Variants in FAM174A observed in about 807,000 individuals in gnomAD.
FAM174A encodes the protein membrane protein FAM174A.
In FAM174A, 14 loss-of-function variants were observed where a neutral mutation model predicts 14.3. That is an observed-to-expected ratio of 0.98 (90% CI 0.65 to 1.53). FAM174A has a LOEUF of 1.53. Among genes scored for constraint, FAM174A ranks in the 40% most tolerant of loss-of-function variants. FAM174A has a pLI of 0.00. For missense variants in FAM174A, 241 were observed against 249.6 expected (o/e 0.97, Z 0.23); for synonymous variants, 108 against 111.4 (o/e 0.97, Z 0.19).
chr5:100,580,958 G>T (rs540771546), intron 2 of FAM174A, among the ~76,000 whole-genome samples: 214 of 152,094 alleles, frequency 1.4e-3, no homozygotes, highest in Non-Finnish European at 2.4e-3. Context: ...GATAGATTTT[G>T]GCTCTCGTTG....
At chr5:100,558,971 C>T (rs755281864) in intron 1 of FAM174A, among the ~76,000 whole-genome samples, 10 of 152,086 alleles carry the variant, frequency 6.6e-5, no homozygotes, top group African/African-American at 1.7e-4. Context: ...TGAATTTGAT[C>T]CTGTCATTAT....
chr5:100,547,515 A>G (rs906987244), intron 1 of FAM174A, among the ~76,000 whole-genome samples: 3 of 152,130 alleles, frequency 2.0e-5, no homozygotes, highest in African/African-American at 7.2e-5. Context: ...CTGCAAGGAG[A>G]TGGGAAAACT....
chr5:100,568,384 A>C (rs1447581755), intron 2 of FAM174A, among the ~76,000 whole-genome samples: 1 of 151,892 alleles, frequency 6.6e-6, no homozygotes, highest in East Asian at 1.9e-4. Flanking sequence ...TTGAATGGGC[A>C]CTAGGTAAAC....
intron 1 of FAM174A, among the ~76,000 whole-genome samples, chr5:100,559,343 C>T (rs1198465913): frequency 6.6e-6 from 1 of 152,076 alleles, no homozygotes; most frequent in Non-Finnish European, 1.5e-5. Context: ...GTGGGTAACC[C>T]GACCGTTTTC....
chr5:100,552,735 A>G (rs1271177481), intron 1 of FAM174A, among the ~76,000 whole-genome samples: 1 of 152,164 alleles, frequency 6.6e-6, no homozygotes, highest in Non-Finnish European at 1.5e-5. Flanking sequence ...TTATTGGAAG[A>G]GAAATAGTTC....
intron 2 of FAM174A, among the ~76,000 whole-genome samples, chr5:100,572,832 C>T (rs1746819166): frequency 1.3e-5 from 2 of 152,168 alleles, no homozygotes; most frequent in Admixed American, 6.6e-5. Flanking sequence ...GCCACCCTGA[C>T]TTCCACAATG....
intron 1 of FAM174A, among the ~76,000 whole-genome samples, chr5:100,555,498 C>T (rs7711475): frequency 0.57 from 85,924 of 151,564 alleles, 26,712 homozygotes; most frequent in African/African-American, 0.81. Context: ...CCTGAGGAAT[C>T]GCCACACTGA....
chr5:100,553,098 AAC>A (rs1203062344), intron 1 of FAM174A, among the ~76,000 whole-genome samples: 2 of 152,064 alleles, frequency 1.3e-5, no homozygotes, highest in Non-Finnish European at 2.9e-5. Flanking sequence ...TGTAATTGTC[AAC>A]ACACATATAG....
chr5:100,552,604 A>C (rs1746286818), intron 1 of FAM174A, among the ~76,000 whole-genome samples: 1 of 152,154 alleles, frequency 6.6e-6, no homozygotes, highest in Non-Finnish European at 1.5e-5. Context: ...GAGCAGTGAA[A>C]TTAAATGGAA....
intron 1 of FAM174A, among the ~76,000 whole-genome samples, chr5:100,560,245 A>G (rs1746497209): frequency 6.6e-6 from 1 of 152,016 alleles, no homozygotes; most frequent in Non-Finnish European, 1.5e-5. Context: ...TTTTTTATAG[A>G]GAAAGTTTAG....
chr5:100,574,395 C>A (rs964318569), intron 2 of FAM174A, among the ~76,000 whole-genome samples: 2 of 151,972 alleles, frequency 1.3e-5, no homozygotes, highest in African/African-American at 4.8e-5. Flanking sequence ...ACCTTGTTGG[C>A]CAGGCTGGTC....
chr5:100,582,022 G>T (rs1002304971), intron 2 of FAM174A, among the ~76,000 whole-genome samples: 1 of 152,044 alleles, frequency 6.6e-6, no homozygotes, highest in South Asian at 2.1e-4. Flanking sequence ...ATTCCTCAGG[G>T]TCTCATATAT....
intron 1 of FAM174A, among the ~76,000 whole-genome samples, chr5:100,537,897 C>T (rs1745970886): frequency 6.6e-6 from 1 of 152,028 alleles, no homozygotes; most frequent in Non-Finnish European, 1.5e-5. Flanking sequence ...TTTGCTTCCA[C>T]CTTTTTAATT....
Position 100,562,257 on chromosome 5 carries a change from A to C in FAM174A, c.569+69A>C, listed in dbSNP as rs1746541074. On this transcript the variant is annotated intron_variant, in intron 2 of 2. Coordinates refer to ENST00000312637, the MANE Select transcript of FAM174A (RefSeq NM_198507.3). The stretch of plus-strand genomic sequence containing the variant: ...CCTTGCCAAGTAAACTGAAGAAGTA[A>C]AGTAGACTTTCATTTAACAGCTTAT... The C allele has an allele frequency of 2.1e-6, 3 of 1,401,922 alleles. No individual in the cohort carries two copies. In the African/African-American group the frequency reaches 4.5e-5, roughly 21 times the overall value. The allele number at this position is 1,401,922 out of a possible 1,614,324, so 86.8% of individuals were successfully genotyped here.
chr5:100,577,916 G>A (rs551915296), intron 2 of FAM174A, among the ~76,000 whole-genome samples: 1 of 152,194 alleles, frequency 6.6e-6, no homozygotes, highest in Admixed American at 6.5e-5. Context: ...TGGAGTCACT[G>A]AATGAAGGCA....
chr5:100,567,072 C>T (rs1746670649), intron 2 of FAM174A, among the ~76,000 whole-genome samples: 1 of 151,800 alleles, frequency 6.6e-6, no homozygotes, highest in African/African-American at 2.4e-5. Flanking sequence ...TAATTACCAT[C>T]TTAACCAAGA....
intron 1 of FAM174A, among the ~76,000 whole-genome samples, chr5:100,554,982 G>A (rs1257701527): frequency 1.3e-5 from 2 of 151,712 alleles, no homozygotes; most frequent in African/African-American, 4.8e-5. Context: ...CAACATGCAG[G>A]TTTGTTACAT....
rs77911625 is a variant in FAM174A, at chr5:100,576,702, A to G, written c.570-9479A>G. Among the ~76,000 whole-genome samples the G allele has an allele frequency of 6.0e-3, 912 of 152,314 alleles. 9 individuals carry two copies. Among genetic ancestry groups the G allele is most frequent in the African/African-American group, 0.021 (867 of 41,586 alleles). ...CTTGTATGTTAACCATTGAAGTTCA[A>G]TACAGTCAAATGGGGAAAAATTGTA... On this transcript the variant is annotated intron_variant, in intron 2 of 2. Transcript: ENST00000312637.
Position 100,535,959 on chromosome 5 carries a change from G to T in FAM174A, c.429G>T (p.Thr143=). 1.9e-6 allele frequency: 3 copies of T among 1,575,450 alleles called. No homozygotes were observed. The highest frequency in any genetic ancestry group is 2.6e-6 in the Non-Finnish European group (3 of 1,155,302). The change falls in exon 1 of 3, where the codon ACG becomes ACT. Residue 143 remains threonine (T), a synonymous_variant. Transcript: ENST00000312637. ...GAVLVYFVVR[T]VRMRRRNRKT... ...TGCTGGTGTACTTCGTGGTCAGGACGGTCAGGTGAGGCAAAGCCTCGGTGG... is the reference window on the plus strand; with the variant it reads ...TGCTGGTGTACTTCGTGGTCAGGACTGTCAGGTGAGGCAAAGCCTCGGTGG...
Sources: allele counts gnomAD v4.1 joint callset (sites outside exome capture counted in the v4.1 genomes callset), GRCh38; gene constraint gnomAD v4.1.1; transcripts MANE v1.5; gene names NCBI Gene and HGNC (gene_info 2026-07-23, HGNC 2026-07-21).